MTUS2: variants seen among roughly 807,000 people sequenced by gnomAD.
MTUS2 encodes the protein microtubule associated scaffold protein 2.
Under a neutral mutation model 114.1 loss-of-function variants are expected in MTUS2, and 40 were observed. That is an observed-to-expected ratio of 0.35 (90% confidence interval 0.27 to 0.46). The LOEUF (loss-of-function observed/expected upper bound fraction) is 0.46, where lower values mean the gene tolerates loss of function less well. Ranked by LOEUF, MTUS2 falls within the 20% of genes least tolerant of loss-of-function variation. The pLI is 1.00. For synonymous variants in MTUS2, 688 were observed against 672.0 expected (o/e 1.02, Z -0.37); for missense variants, 1,679 against 1,705.4 (o/e 0.98, Z 0.27).
At chr13:28,994,482 CT>C (rs1885002358) in intron 2 of MTUS2, among the ~76,000 whole-genome samples, 1 of 152,212 alleles carries the variant, frequency 6.6e-6, no homozygotes, top group Non-Finnish European at 1.5e-5. Flanking sequence ...GCCACACCGA[CT>C]TCCACATGGT....
rs1283966398 is a variant in MTUS2 at position 29,505,568 on chromosome 13, T to G, written c.*2362T>G. ...GCAGCTGCTGTGCCTCCTTCTCAAT[T>G]CTTCCACCCCCCCACACCATCAGAA... On this transcript the variant is annotated 3_prime_UTR_variant, in exon 16 of 16. Transcript: ENST00000612955. The G allele has an allele frequency of 8.6e-6, 2 of 231,328 alleles. No individual in the cohort carries two copies. Among genetic ancestry groups the G allele is most frequent in the Non-Finnish European group, 8.5e-6 (1 of 117,014 alleles). 14.3% of individuals were successfully genotyped at this position (231,328 alleles called of 1,614,324 possible). A position where few individuals can be genotyped will look rare whatever the true frequency, so the allele number is the denominator to read the frequency against.
At chr13:29,376,732 A>G (rs1428706343) in intron 8 of MTUS2, among the ~76,000 whole-genome samples, 2 of 152,184 alleles carry the variant, frequency 1.3e-5, no homozygotes, top group Non-Finnish European at 2.9e-5. Flanking sequence ...AAAATGTTAT[A>G]TAGTACACAA....
chr13:29,034,780 CAG>C (rs1462014969), intron 4 of MTUS2, among the ~76,000 whole-genome samples: 2 of 152,104 alleles, frequency 1.3e-5, no homozygotes, highest in African/African-American at 4.8e-5. Context: ...TATCTGTAGG[CAG>C]AGAGATGATA....
chr13:29,128,919 A>C (rs1891634547), intron 5 of MTUS2, among the ~76,000 whole-genome samples: 1 of 152,212 alleles, frequency 6.6e-6, no homozygotes, highest in Non-Finnish European at 1.5e-5. Context: ...AATGAGGAAA[A>C]CCTTCATCTT....
At chr13:29,376,055 GTGTGTA>G (rs1871718277) in intron 8 of MTUS2, among the ~76,000 whole-genome samples, 1 of 151,718 alleles carries the variant, frequency 6.6e-6, no homozygotes, top group Non-Finnish European at 1.5e-5. Flanking sequence ...GTGTGTGTGT[GTGTGTA>G]TATATATTTA....
At chr13:28,988,598 C>T (rs920950785) in intron 2 of MTUS2, among the ~76,000 whole-genome samples, 6 of 152,118 alleles carry the variant, frequency 3.9e-5, no homozygotes, top group African/African-American at 1.2e-4. Flanking sequence ...TGTATACAGC[C>T]ACTAACAAAG....
At chr13:29,491,640 GTA>G (rs773433714) in intron 11 of MTUS2, among the ~76,000 whole-genome samples, 7 of 149,538 alleles carry the variant, frequency 4.7e-5, no homozygotes, top group Non-Finnish European at 8.9e-5. Context: ...TAGTAGGTGT[GTA>G]TGTGTGTGTG....
intron 6 of MTUS2, chr13:29,307,033 A>G: frequency 1.9e-6 from 1 of 523,106 alleles, no homozygotes; most frequent in Non-Finnish European, 3.7e-6. Context: ...CTCCAAAATC[A>G]AATGGGGTGA....
intron 5 of MTUS2, among the ~76,000 whole-genome samples, chr13:29,126,239 A>G (rs921322828): frequency 6.6e-6 from 1 of 152,064 alleles, no homozygotes; most frequent in Non-Finnish European, 1.5e-5. Context: ...CCTTACCTCT[A>G]TGACTGCAGT....
intron 7 of MTUS2, among the ~76,000 whole-genome samples, chr13:29,325,897 C>G (rs911685279): frequency 1.3e-5 from 2 of 152,174 alleles, no homozygotes; most frequent in Non-Finnish European, 2.9e-5. Context: ...TGGTTTTAAC[C>G]TAAGCAATCT....
intron 10 of MTUS2, among the ~76,000 whole-genome samples, chr13:29,486,100 T>C (rs1881596767): frequency 6.6e-6 from 1 of 152,234 alleles, no homozygotes; most frequent in Non-Finnish European, 1.5e-5. Context: ...AAACAGGAAT[T>C]GGACAATTAA....
At chr13:29,048,755 C>T (rs1307996541) in intron 4 of MTUS2, among the ~76,000 whole-genome samples, 2 of 152,210 alleles carry the variant, frequency 1.3e-5, no homozygotes, top group African/African-American at 2.4e-5. Flanking sequence ...CAGGCACACA[C>T]CCCTGCACAC....
chr13:29,188,970 G>T (rs1191354800), intron 5 of MTUS2, among the ~76,000 whole-genome samples: 1 of 152,194 alleles, frequency 6.6e-6, no homozygotes, highest in African/African-American at 2.4e-5. Flanking sequence ...CATAGGGATA[G>T]ATGAACAACA....
chr13:29,072,550 C>T (rs1888990047), intron 4 of MTUS2, among the ~76,000 whole-genome samples: 1 of 152,198 alleles, frequency 6.6e-6, no homozygotes, highest in South Asian at 2.1e-4. Flanking sequence ...CATCATACTA[C>T]AGTTTTCTGA....
intron 4 of MTUS2, among the ~76,000 whole-genome samples, chr13:29,074,504 C>T (rs1316286438): frequency 2.6e-5 from 4 of 152,128 alleles, no homozygotes; most frequent in African/African-American, 7.2e-5. Flanking sequence ...ACGCGGTGTA[C>T]ATTCAATGAT....
chr13:28,870,243 A>G (rs1177547320), intron 2 of MTUS2, among the ~76,000 whole-genome samples: 1 of 152,244 alleles, frequency 6.6e-6, no homozygotes, highest in Non-Finnish European at 1.5e-5. Flanking sequence ...TAGATTGAAA[A>G]TTAATGAAAT....
intron 5 of MTUS2, among the ~76,000 whole-genome samples, chr13:29,214,045 C>G (rs1187551376): frequency 6.6e-6 from 1 of 152,000 alleles, no homozygotes; most frequent in Non-Finnish European, 1.5e-5. Context: ...AACTTTCTAG[C>G]TTCAAGTGGT....
intron 5 of MTUS2, among the ~76,000 whole-genome samples, chr13:29,167,232 G>A (rs554116563): frequency 9.7e-4 from 148 of 152,098 alleles, no homozygotes; most frequent in Non-Finnish European, 1.9e-3. Flanking sequence ...AAAATTAGCC[G>A]GGTGTGGTTG....
intron 4 of MTUS2, among the ~76,000 whole-genome samples, chr13:29,058,597 AT>A (rs1248332922): frequency 1.9e-5 from 2 of 104,520 alleles, no homozygotes; most frequent in African/African-American, 7.3e-5. Context: ...TTATTTTTTT[AT>A]TTTTTTATTA....
Sources: allele counts gnomAD v4.1 joint callset (sites outside exome capture counted in the v4.1 genomes callset), GRCh38; gene constraint gnomAD v4.1.1; transcripts MANE v1.5; gene names NCBI Gene and HGNC (gene_info 2026-07-23, HGNC 2026-07-21).